The following CYP7B1 variants were observed in gnomAD, a reference collection of about 807,000 sequenced individuals.
The protein encoded by CYP7B1 is cytochrome P450 family 7 subfamily B member 1.
A neutral mutation model predicts 42.7 loss-of-function variants in CYP7B1; 29 were observed. The ratio of observed to expected loss-of-function variants is 0.68; its 90% confidence interval spans 0.51 to 0.93. CYP7B1 has a LOEUF of 0.93. Ranked by LOEUF, CYP7B1 falls within the 40% of genes least tolerant of loss-of-function variation. The probability of loss-of-function intolerance (pLI) is 0.00; values close to 1 mark genes in which losing one functional copy is unlikely to be tolerated. For missense variants in CYP7B1, 655 were observed against 600.5 expected (o/e 1.09, Z -0.95); for synonymous variants, 235 against 218.2 (o/e 1.08, Z -0.68).
intron 1 of CYP7B1, among the ~76,000 whole-genome samples, chr8:64,748,731 C>T (rs1182143477): frequency 1.3e-5 from 2 of 152,192 alleles, no homozygotes; most frequent in Non-Finnish European, 2.9e-5. Context: ...AAAACCCTTA[C>T]TGAACATCTC....
chr8:64,672,791 T>G (rs762098978), intron 1 of CYP7B1, among the ~76,000 whole-genome samples: 78 of 152,170 alleles, frequency 5.1e-4, no homozygotes, highest in Non-Finnish European at 9.3e-4. Flanking sequence ...GACTTCTGAG[T>G]GTGAATGTAA....
chr8:64,779,933 T>C (rs1804392338), intron 1 of CYP7B1, among the ~76,000 whole-genome samples: 1 of 152,094 alleles, frequency 6.6e-6, no homozygotes, highest in African/African-American at 2.4e-5. Context: ...AACATGAAAG[T>C]CCAGTACCTA....
chr8:64,790,101 G>A (rs1011275722), intron 1 of CYP7B1, among the ~76,000 whole-genome samples: 2 of 152,038 alleles, frequency 1.3e-5, no homozygotes, highest in African/African-American at 4.8e-5. Flanking sequence ...ATCAAAGCAC[G>A]TGAGAAATGT....
intron 1 of CYP7B1, among the ~76,000 whole-genome samples, chr8:64,747,650 A>G (rs1807664661): frequency 6.6e-6 from 1 of 151,820 alleles, no homozygotes; most frequent in Admixed American, 6.6e-5. Context: ...CGTGCAGTTC[A>G]AATCCATGTT....
At chr8:64,663,338 T>TCTTA (rs1487568105) in intron 1 of CYP7B1, among the ~76,000 whole-genome samples, 1 of 152,218 alleles carries the variant, frequency 6.6e-6, no homozygotes, top group African/African-American at 2.4e-5. Context: ...TTTTCCAAGC[T>TCTTA]CTTAGCACAG....
At chr8:64,769,922 G>A (rs564427084) in intron 1 of CYP7B1, among the ~76,000 whole-genome samples, 29 of 152,232 alleles carry the variant, frequency 1.9e-4, no homozygotes, top group East Asian at 5.8e-4. Flanking sequence ...AGAACAATAC[G>A]GGGACAACGG....
intron 1 of CYP7B1, among the ~76,000 whole-genome samples, chr8:64,720,348 C>T (rs1807218321): frequency 6.6e-6 from 1 of 152,022 alleles, no homozygotes; most frequent in Non-Finnish European, 1.5e-5. Flanking sequence ...AAAGAAACAA[C>T]ACAATAAAAT....
At chr8:64,746,093 T>C (rs1233999590) in intron 1 of CYP7B1, among the ~76,000 whole-genome samples, 2 of 151,926 alleles carry the variant, frequency 1.3e-5, no homozygotes, top group Admixed American at 6.6e-5. Flanking sequence ...GGATCTAAGT[T>C]GAATTAAAAA....
chr8:64,662,211 T>C (rs1329089744), intron 1 of CYP7B1, among the ~76,000 whole-genome samples: 2 of 152,154 alleles, frequency 1.3e-5, no homozygotes, highest in Non-Finnish European at 2.9e-5. Context: ...TATGCACTTG[T>C]AGTCTCAGCT....
At chr8:64,737,760 T>C (rs1807510963) in intron 1 of CYP7B1, among the ~76,000 whole-genome samples, 1 of 152,060 alleles carries the variant, frequency 6.6e-6, no homozygotes, top group South Asian at 2.1e-4. Context: ...AATTTTTCTA[T>C]TTTTTTTCTT....
At chr8:64,649,254 C>A (rs1276584467) in intron 1 of CYP7B1, among the ~76,000 whole-genome samples, 1 of 152,176 alleles carries the variant, frequency 6.6e-6, no homozygotes, top group African/African-American at 2.4e-5. Flanking sequence ...TTTTTACCTT[C>A]TGTTTCTATC....
chr8:64,701,083 G>A (rs1345899556), intron 1 of CYP7B1, among the ~76,000 whole-genome samples: 2 of 152,060 alleles, frequency 1.3e-5, no homozygotes. Context: ...TGAGGAACAC[G>A]GTGGTATTTG....
chr8:64,757,345 A>C (rs965518903), intron 1 of CYP7B1, among the ~76,000 whole-genome samples: 2 of 152,258 alleles, frequency 1.3e-5, no homozygotes, highest in African/African-American at 2.4e-5. Flanking sequence ...AAACTGGGAC[A>C]TAATAGGTAT....
At chr8:64,643,136 TACATATATACATATATACATATATAC>T (rs1805887547) in intron 1 of CYP7B1, among the ~76,000 whole-genome samples, 1 of 124,580 alleles carries the variant, frequency 8.0e-6, no homozygotes, top group African/African-American at 3.1e-5. Flanking sequence ...TACATATATA[TACATATATACATATATACATATATAC>T]ACATATATAC....
chr8:64,593,232 G>GGGGTGTGTGT lies in CYP7B1; in HGVS notation c.*3409_*3410insACACACACCC, dbSNP rs1285868725. ...TGGTGGACTAAAGGCTAGGGCCCAG[G>GGGGTGTGTGT]GTGTGTGTGTGTGTGTGTGTGTGTG... On this transcript the variant is annotated 3_prime_UTR_variant, in exon 6 of 6. Transcript: ENST00000310193. 1.9e-4 allele frequency among the ~76,000 whole-genome samples: 24 copies of GGGGTGTGTGT among 123,454 alleles called. No individual in the cohort carries two copies. Among genetic ancestry groups the GGGGTGTGTGT allele is most frequent in the South Asian group, 2.8e-4 (1 of 3,570 alleles). The allele number at this position is 123,454 out of a possible 152,430, so 81.0% of individuals were successfully genotyped here.
At chr8:64,792,782 T>TA (rs1265927777) in intron 1 of CYP7B1, among the ~76,000 whole-genome samples, 2 of 152,270 alleles carry the variant, frequency 1.3e-5, no homozygotes, top group African/African-American at 4.8e-5. Flanking sequence ...CTGGAACTCT[T>TA]AAACAGATGA....
chr8:64,738,405 T>C (rs1807521576), intron 1 of CYP7B1, among the ~76,000 whole-genome samples: 1 of 152,162 alleles, frequency 6.6e-6, no homozygotes, highest in East Asian at 1.9e-4. Context: ...CAGCAGCATT[T>C]TCCTATAAGA....
chr8:64,615,268 G>A (rs372484516), intron 3 of CYP7B1, 36 bp from the exon 4 acceptor site: 110 of 1,569,238 alleles, frequency 7.0e-5, no homozygotes, highest in Admixed American at 6.8e-4. Flanking sequence ...GATTAATAGC[G>A]TTTATTACAC....
intron 1 of CYP7B1, among the ~76,000 whole-genome samples, chr8:64,668,823 A>T (rs1447669388): frequency 6.6e-6 from 1 of 151,996 alleles, no homozygotes; most frequent in East Asian, 1.9e-4. Flanking sequence ...GATTGCATTT[A>T]TAAATTAAAA....
Sources: gnomAD v4.1 joint callset for allele counts (sites outside exome capture counted in the v4.1 genomes callset) on GRCh38, gnomAD v4.1.1 for gene constraint, MANE v1.5 for transcripts, NCBI Gene and HGNC (gene_info 2026-07-23, HGNC 2026-07-21) for gene names.